Variants in RARB observed in about 807,000 individuals in gnomAD.
The protein encoded by RARB is retinoic acid receptor beta.
Under a neutral mutation model 51.9 loss-of-function variants are expected in RARB, and 17 were observed. That is an observed-to-expected ratio of 0.33 (90% confidence interval 0.22 to 0.49). The LOEUF is 0.49. RARB is among the 20% of genes least tolerant of loss of function. RARB has a pLI of 0.99. For missense variants in RARB, 369 were observed against 550.8 expected (o/e 0.67, Z 3.30); for synonymous variants, 215 against 195.4 (o/e 1.10, Z -0.84).
intron 4 of RARB, among the ~76,000 whole-genome samples, chr3:25,163,729 A>G (rs1345086807): frequency 6.6e-6 from 1 of 152,048 alleles, no homozygotes; most frequent in African/African-American, 2.4e-5. Flanking sequence ...GGCCCCACCA[A>G]GCCACTAGAC....
At chr3:25,171,631 G>C (rs933873700) in intron 4 of RARB, among the ~76,000 whole-genome samples, 4 of 52,698 alleles carry the variant, frequency 7.6e-5, no homozygotes, top group Admixed American at 2.0e-4. Context: ...TTCCCAACCA[G>C]TCCCTGGTTG....
At position 25,484,587 on chromosome 3, in the gene RARB, TTAATA is replaced by T. The variant is rs1413641119; in HGVS notation, c.307-16591_307-16587del. ...ACATTTTAAATGCTTGAAAAAAAAA[TTAATA>T]TAACATATGAAAATTATATGAAATT... On this transcript the variant is annotated intron_variant, in intron 2 of 7. Coordinates refer to ENST00000330688, the MANE Select transcript of RARB (RefSeq NM_000965.5). Among the ~76,000 whole-genome samples, 9 of 152,266 alleles carry T rather than the reference TTAATA, an allele frequency of 5.9e-5. No individual in the cohort carries two copies. In the South Asian group the frequency reaches 6.2e-4, roughly 11 times the overall value.
At chr3:25,539,277 T>A (rs1699267477) in intron 3 of RARB, among the ~76,000 whole-genome samples, 1 of 152,200 alleles carries the variant, frequency 6.6e-6, no homozygotes, top group Non-Finnish European at 1.5e-5. Flanking sequence ...GACAGCATTC[T>A]ATTTGAGCGA....
At chr3:25,120,026 C>T (rs1020487123) in intron 3 of RARB, among the ~76,000 whole-genome samples, 1 of 152,076 alleles carries the variant, frequency 6.6e-6, no homozygotes, top group Admixed American at 6.6e-5. Flanking sequence ...TTAAAATCAT[C>T]CATCACAGGA....
chr3:24,953,419 A>G (rs73137283), intron 2 of RARB, among the ~76,000 whole-genome samples: 5,209 of 152,294 alleles, frequency 0.034, 272 homozygotes, highest in African/African-American at 0.12. Context: ...TTAAAGAACC[A>G]GGGCCTCACT....
intron 5 of RARB, among the ~76,000 whole-genome samples, chr3:25,360,516 T>C (rs1705897794): frequency 6.6e-6 from 1 of 152,224 alleles, no homozygotes; most frequent in South Asian, 2.1e-4. Context: ...ATCCTGTAAT[T>C]ATGATGCCAG....
At chr3:25,571,126 CT>C (rs1383498370) in intron 4 of RARB, among the ~76,000 whole-genome samples, 1 of 152,182 alleles carries the variant, frequency 6.6e-6, no homozygotes, top group African/African-American at 2.4e-5. Flanking sequence ...GAAAATGAGA[CT>C]ACACAGTTGG....
At chr3:25,035,030 TAAGTA>T (rs1697956788) in intron 2 of RARB, among the ~76,000 whole-genome samples, 1 of 152,224 alleles carries the variant, frequency 6.6e-6, no homozygotes, top group African/African-American at 2.4e-5. Flanking sequence ...ATATTTCTAA[TAAGTA>T]AAGAAATATT....
chr3:25,305,634 AGCCAGGCAGCTG>A (rs1704136745), intron 5 of RARB, among the ~76,000 whole-genome samples: 1 of 152,202 alleles, frequency 6.6e-6, no homozygotes, highest in South Asian at 2.1e-4. Flanking sequence ...CAGGCAGGCC[AGCCAGGCAGCTG>A]GCTGTCATAT....
chr3:25,573,801 A>G (rs1700808645), intron 4 of RARB, among the ~76,000 whole-genome samples: 1 of 152,200 alleles, frequency 6.6e-6, no homozygotes, highest in Admixed American at 6.5e-5. Flanking sequence ...AGAGAGGAAT[A>G]AGAAAGGCAG....
At chr3:25,444,048 T>C (rs945481402) in intron 1 of RARB, among the ~76,000 whole-genome samples, 5 of 152,240 alleles carry the variant, frequency 3.3e-5, no homozygotes, top group Non-Finnish European at 5.9e-5. Context: ...TTGATTTTTA[T>C]TAAAGTAAAA....
intron 2 of RARB, among the ~76,000 whole-genome samples, chr3:24,920,064 A>G (rs917852580): frequency 6.6e-6 from 1 of 152,356 alleles, no homozygotes; most frequent in East Asian, 1.9e-4. Flanking sequence ...GAATGAATTT[A>G]AGATTATTTA....
chr3:25,578,753 A>G (rs997408783), intron 4 of RARB, among the ~76,000 whole-genome samples: 3 of 152,232 alleles, frequency 2.0e-5, no homozygotes, highest in Non-Finnish European at 4.4e-5. Context: ...TCGTTTTTAC[A>G]GTGTCTGTGG....
intron 5 of RARB, among the ~76,000 whole-genome samples, chr3:25,272,251 T>G (rs1173700205): frequency 3.3e-5 from 5 of 152,334 alleles, no homozygotes; most frequent in African/African-American, 7.2e-5. Flanking sequence ...ATGACACTGA[T>G]GTGAGGGAAG....
chr3:24,889,109 A>T (rs1012368377), intron 2 of RARB, among the ~76,000 whole-genome samples: 1 of 152,340 alleles, frequency 6.6e-6, no homozygotes, highest in Admixed American at 6.5e-5. Flanking sequence ...GACTCACTAC[A>T]TATGGATCCA....
At chr3:25,352,921 C>T (rs912374161) in intron 5 of RARB, among the ~76,000 whole-genome samples, 7 of 152,174 alleles carry the variant, frequency 4.6e-5, no homozygotes, top group Non-Finnish European at 8.8e-5. Context: ...AAAGACTCGG[C>T]TTTTCTCATC....
intron 4 of RARB, among the ~76,000 whole-genome samples, chr3:25,173,202 G>A (rs577290846): frequency 6.6e-5 from 10 of 152,182 alleles, no homozygotes; most frequent in Non-Finnish European, 1.2e-4. Context: ...AGGAATCCTA[G>A]GTGTTGAGCA....
At chr3:25,579,441 C>T (rs771958838) in intron 4 of RARB, among the ~76,000 whole-genome samples, 43 of 152,318 alleles carry the variant, frequency 2.8e-4, no homozygotes, top group Non-Finnish European at 5.3e-4. Context: ...TTTTCCAGAA[C>T]GTCATATAAA....
At chr3:25,313,351 C>T (rs984944353) in intron 5 of RARB, among the ~76,000 whole-genome samples, 1 of 152,196 alleles carries the variant, frequency 6.6e-6, no homozygotes, top group Non-Finnish European at 1.5e-5. Flanking sequence ...AGGGACGGCC[C>T]TGGCAGATGC....
Sources: allele counts gnomAD v4.1 joint callset (sites outside exome capture counted in the v4.1 genomes callset), GRCh38; gene constraint gnomAD v4.1.1; transcripts MANE v1.5; gene names NCBI Gene and HGNC (gene_info 2026-07-23, HGNC 2026-07-21).